Variants in MMD2 observed in about 807,000 individuals in gnomAD.
MMD2 encodes monocyte to macrophage differentiation factor 2.
In MMD2, 30 loss-of-function variants were observed where a neutral mutation model predicts 33.5. That is an observed-to-expected ratio of 0.90 (90% confidence interval 0.67 to 1.22). The LOEUF (loss-of-function observed/expected upper bound fraction) is 1.22, where lower values mean the gene tolerates loss of function less well. Ranked by LOEUF, MMD2 falls within the 50% of genes most tolerant of loss-of-function variation. The probability of loss-of-function intolerance (pLI) is 0.00; values close to 1 mark genes in which losing one functional copy is unlikely to be tolerated. For missense variants in MMD2, 364 were observed against 325.4 expected, an observed-to-expected ratio of 1.12 and a Z score of -0.91; for synonymous variants, 129 against 123.0, an observed-to-expected ratio of 1.05 and a Z score of -0.32.
intron 1 of MMD2, among the ~76,000 whole-genome samples, chr7:4,949,795 C>T (rs1786190706): frequency 6.6e-6 from 1 of 152,132 alleles, no homozygotes. Context: ...AGCCACTGTG[C>T]CCGGCCAGAA....
downstream of MMD2, among the ~76,000 whole-genome samples, chr7:4,903,957 AGTTT>A (rs1784827365): frequency 2.0e-5 from 3 of 151,746 alleles, no homozygotes; most frequent in Non-Finnish European, 4.4e-5. Flanking sequence ...TTTGAGACGG[AGTTT>A]CGCTTTTGTT....
chr7:4,911,210 G>C lies in MMD2; in HGVS notation c.402C>G (p.His134Gln), dbSNP rs770493219. Residue 134 changes from histidine (H) to glutamine (Q), a missense_variant, in exon 5 of 7, where the codon CAC becomes CAG. Transcript: ENST00000401401. ...NLRELGPWAS[H>Q]MRWLVWIMAS... ...CCATAATCCAGACCAGCCAGCGCAT[G>C]TGGGAGGCCCAGGGGCCCAGCTCCC... 12 of 1,602,076 alleles carry C rather than the reference G, an allele frequency of 7.5e-6. No individual in the cohort carries two copies. In the East Asian group the frequency reaches 2.2e-4, roughly 30 times the overall value.
chr7:4,935,191 A>T (rs1327281380), intron 1 of MMD2, among the ~76,000 whole-genome samples: 1 of 151,474 alleles, frequency 6.6e-6, no homozygotes, highest in African/African-American at 2.4e-5. Context: ...GCCTCAAAAA[A>T]AGAAAAAAAA....
At chr7:4,942,942 C>A (rs1785950887) in intron 1 of MMD2, among the ~76,000 whole-genome samples, 1 of 149,602 alleles carries the variant, frequency 6.7e-6, no homozygotes, top group Admixed American at 6.7e-5. Flanking sequence ...TCTGTCCTAA[C>A]TCCATCCCAG....
downstream of MMD2, among the ~76,000 whole-genome samples, chr7:4,905,212 A>G (rs183025199): frequency 5.3e-5 from 8 of 152,062 alleles, no homozygotes; most frequent in African/African-American, 1.4e-4. The surrounding 1 kb of genome is among the most constrained non-coding windows in gnomAD (Gnocchi z 5.0). Context: ...TAGGAAAAGA[A>G]GTCAAAGTAT....
Position 4,909,860 on chromosome 7 carries a change from T to G in MMD2, c.537+21A>C, listed in dbSNP as rs560608858. The G allele has an allele frequency of 6.9e-5, 110 of 1,602,790 alleles. 2 individuals carry two copies. In the South Asian group the frequency reaches 1.2e-3, roughly 17 times the overall value. ...TTGGTCTCTTGCAGGGACTCATCTA[T>G]GCAGGGCTGGCAGCACTTACCATGG... On this transcript the variant is annotated intron_variant, in intron 6 of 6. Transcript: ENST00000401401.
chr7:4,902,012 C>T (rs1289353665), downstream of MMD2, among the ~76,000 whole-genome samples: 1 of 152,142 alleles, frequency 6.6e-6, no homozygotes, highest in Non-Finnish European at 1.5e-5. Flanking sequence ...AGTGCAGTGG[C>T]GCAATCTCGG....
chr7:4,945,244 C>CTTCTTCTTCTTCTTCTTCTTCTTCT (rs1446491060), intron 1 of MMD2, among the ~76,000 whole-genome samples: 1 of 15,896 alleles, frequency 6.3e-5, no homozygotes, highest in African/African-American at 1.9e-4. Context: ...TTCTTCCTCT[C>CTTCTTCTTCTTCTTCTTCTTCTTCT]TCTCTTTCTT....
intron 1 of MMD2, among the ~76,000 whole-genome samples, chr7:4,935,517 A>C (rs1471095833): frequency 6.6e-6 from 1 of 151,754 alleles, no homozygotes; most frequent in Non-Finnish European, 1.5e-5. Flanking sequence ...TTCCACAAAA[A>C]AATAAAAAAA....
rs1424327301 is a variant in MMD2 at position 4,946,418 on chromosome 7, C to T, written c.47+12553G>A. On this transcript the variant is annotated intron_variant, in intron 1 of 6. Coordinates refer to ENST00000401401, the MANE Select transcript of MMD2 (RefSeq NM_198403.4). This position sits in a 1 kb window ranked among gnomAD's most constrained non-coding sequence, Gnocchi z 5.0. ...TAAGATAATAATGAAAATCCAAGTACTTTAAAAAGCTGAGTCCAGTGATGC... is the reference window on the plus strand; with the variant it reads ...TAAGATAATAATGAAAATCCAAGTATTTTAAAAAGCTGAGTCCAGTGATGC... 6.6e-6 allele frequency among the ~76,000 whole-genome samples: 1 copy of T among 152,152 alleles called. No individual in the cohort carries two copies. Among genetic ancestry groups the T allele is most frequent in the Non-Finnish European group, 1.5e-5 (1 of 68,020 alleles).
chr7:4,933,683 A>T (rs1303363769), intron 1 of MMD2, among the ~76,000 whole-genome samples: 1 of 151,762 alleles, frequency 6.6e-6, no homozygotes, highest in African/African-American at 2.4e-5. Flanking sequence ...CCCTGGCTGG[A>T]GTGCAGTGGT....
chr7:4,907,531 G>C lies in MMD2; in HGVS notation c.606C>G (p.Phe202Leu). The C allele has an allele frequency of 2.5e-6, 4 of 1,613,774 alleles. No individual in the cohort carries two copies. The highest frequency in any genetic ancestry group is 3.4e-6 in the Non-Finnish European group (4 of 1,179,898). Residue 202 changes from phenylalanine to leucine, a missense_variant, in exon 7 of 7, where the codon TTC becomes TTG. Transcript: ENST00000401401. ...CAAAGGGGATCCTCCCGTCACTCTT[G>C]AAGAAGACCATGCCCAGGCAGTAGA... is the stretch of plus-strand genomic sequence containing the variant. ...GVFYCLGMVFFKSDGRIPFAH... is the reference protein window; with the variant it reads ...GVFYCLGMVFLKSDGRIPFAH...
chr7:4,915,400 A>G (rs1326446931), intron 4 of MMD2, among the ~76,000 whole-genome samples: 3 of 152,112 alleles, frequency 2.0e-5, no homozygotes, highest in Non-Finnish European at 4.4e-5. Context: ...ATATTTATAT[A>G]TGTGTATATA....
chr7:4,931,523 G>A lies in MMD2; in HGVS notation c.48-5991C>T, dbSNP rs572457767. Among the ~76,000 whole-genome samples the A allele has an allele frequency of 1.1e-3, 167 of 152,174 alleles. 1 individual carries two copies. The highest frequency in any genetic ancestry group is 3.5e-3 in the African/African-American group (146 of 41,540). On this transcript the variant is annotated intron_variant, in intron 1 of 6. Transcript: ENST00000401401. ...GCTGGAGTGCAGTGGTGTGATCACA[G>A]CTCACTGCAAGCTTGAACTCCTGGG... is the stretch of plus-strand genomic sequence containing the variant.
In MMD2 at chr7:4,946,089, GCA is replaced by G. The variant is rs1025964798; in HGVS notation, c.47+12880_47+12881del. 6.7e-6 allele frequency among the ~76,000 whole-genome samples: 1 copy of G among 150,052 alleles called. No individual in the cohort carries two copies. Among genetic ancestry groups the G allele is most frequent in the African/African-American group, 2.5e-5 (1 of 40,628 alleles). On this transcript the variant is annotated intron_variant, in intron 1 of 6. Coordinates refer to ENST00000401401, the MANE Select transcript of MMD2 (RefSeq NM_198403.4). The surrounding 1 kb of genome is among the most constrained non-coding windows in gnomAD (Gnocchi z 5.0). The stretch of plus-strand genomic sequence containing the variant: ...CACACTCACACGCACGCACACGCAC[GCA>G]CACACACGCATGCACACGCGCACAC...
At chr7:4,901,751 C>T (rs1405526535), downstream of MMD2, among the ~76,000 whole-genome samples, 4 of 152,316 alleles carry the variant, frequency 2.6e-5, no homozygotes, top group South Asian at 2.1e-4. Flanking sequence ...CTTCCCTGGC[C>T]GGGCTTCACA....
intron 1 of MMD2, among the ~76,000 whole-genome samples, chr7:4,933,586 T>C (rs1479126450): frequency 2.0e-5 from 3 of 151,244 alleles, no homozygotes; most frequent in Admixed American, 2.0e-4. Context: ...GCAGTATTGC[T>C]TTGCATGGAC....
chr7:4,911,743 G>A (rs1449771688), intron 4 of MMD2, among the ~76,000 whole-genome samples: 1 of 151,976 alleles, frequency 6.6e-6, no homozygotes, highest in Non-Finnish European at 1.5e-5. Context: ...CCGCCACCCG[G>A]GTTCAAGCGA....
downstream of MMD2, among the ~76,000 whole-genome samples, chr7:4,902,489 C>T (rs1414619016): frequency 1.3e-5 from 2 of 152,160 alleles, no homozygotes. Context: ...ATTATCCTTA[C>T]CCCACGGGGG....
Sources: allele counts gnomAD v4.1 joint callset (sites outside exome capture counted in the v4.1 genomes callset), GRCh38; gene constraint gnomAD v4.1.1; non-coding constraint Gnocchi (gnomAD v3.1); transcripts MANE v1.5; gene names NCBI Gene and HGNC (gene_info 2026-07-23, HGNC 2026-07-21).